The following MCCC2 variants were observed in gnomAD, a reference collection of about 807,000 sequenced individuals.
MCCC2 encodes methylcrotonyl-CoA carboxylase subunit 2, also known as methylcrotonoyl-CoA carboxylase beta chain, mitochondrial.
Under a neutral mutation model 77.2 loss-of-function variants are expected in MCCC2, and 52 were observed. The ratio of observed to expected loss-of-function variants is 0.67; its 90% CI spans 0.54 to 0.85. The LOEUF (loss-of-function observed/expected upper bound fraction) is 0.85. Among genes scored for constraint, MCCC2 ranks in the 40% least tolerant of loss-of-function variants. The pLI, the probability that MCCC2 is intolerant of heterozygous loss-of-function variation, is 0.00. For missense variants in MCCC2, 682 were observed against 703.2 expected, an observed-to-expected ratio of 0.97 and a Z score of 0.34; for synonymous variants, 253 against 248.4, an observed-to-expected ratio of 1.02 and a Z score of -0.18.
chr5:71,627,486 A>T (rs1580312178), intron 7 of MCCC2, among the ~76,000 whole-genome samples: 1 of 152,120 alleles, frequency 6.6e-6, no homozygotes, highest in Non-Finnish European at 1.5e-5. Flanking sequence ...TCATCAGTTG[A>T]TGGGCATTTA....
chr5:71,647,419 G>T (rs558593694), intron 13 of MCCC2, among the ~76,000 whole-genome samples: 1 of 152,228 alleles, frequency 6.6e-6, no homozygotes, highest in South Asian at 2.1e-4. Context: ...TATGTAAAAG[G>T]GCAGATAGAA....
rs11309257 is a variant in MCCC2 at position 71,588,268 on chromosome 5, CAA to C, written c.129+733_129+734del. On this transcript the variant is annotated intron_variant, in intron 1 of 16. Transcript: ENST00000340941. ...TTGGCAACAAGAGCGAACTCTGTCT[CAA>C]AAAAAAAAAAAAAAAAAAGTTGGTT... is the stretch of plus-strand genomic sequence containing the variant. 6.1e-3 allele frequency among the ~76,000 whole-genome samples: 609 copies of C among 100,642 alleles called. 3 individuals carry two copies. The highest frequency in any genetic ancestry group is 0.018 in the African/African-American group (490 of 26,926). The allele number at this position is 100,642 out of a possible 152,430, so 66.0% of individuals were successfully genotyped here.
chr5:71,599,581 T>C (rs1028456764), intron 3 of MCCC2, 78 bp from the exon 4 acceptor site: 1 of 1,152,756 alleles, frequency 8.7e-7, no homozygotes, highest in African/African-American at 1.5e-5. Context: ...GAAAAATCTT[T>C]TCCTTTTCCA....
At chr5:71,604,526 A>T in intron 6 of MCCC2, 58 bp downstream of exon 6, 7 of 1,264,310 alleles carry the variant, frequency 5.5e-6, no homozygotes, top group Non-Finnish European at 8.1e-6. Context: ...TATCTTTACG[A>T]ATTAGGTACT....
intron 6 of MCCC2, among the ~76,000 whole-genome samples, chr5:71,609,900 C>A (rs1336086667): frequency 1.3e-5 from 2 of 151,934 alleles, no homozygotes; most frequent in Non-Finnish European, 2.9e-5. Flanking sequence ...GGTCAGGGAC[C>A]CACTTGAGGA....
At chr5:71,606,880 A>G (rs1223099224) in intron 6 of MCCC2, among the ~76,000 whole-genome samples, 3 of 150,956 alleles carry the variant, frequency 2.0e-5, no homozygotes, top group African/African-American at 7.3e-5. Context: ...GATTACATTT[A>G]CTGATTTGCA....
At chr5:71,607,719 T>C (rs1405989253) in intron 6 of MCCC2, among the ~76,000 whole-genome samples, 1 of 150,218 alleles carries the variant, frequency 6.7e-6, no homozygotes, top group Non-Finnish European at 1.5e-5. Context: ...CATTTAGTGC[T>C]ATAAATTTCC....
At chr5:71,642,077 C>A (rs530073355) in intron 11 of MCCC2, among the ~76,000 whole-genome samples, 2 of 152,226 alleles carry the variant, frequency 1.3e-5, no homozygotes, top group African/African-American at 4.8e-5. Context: ...TCTTTGTCAT[C>A]TGCTTTTATG....
chr5:71,635,943 A>G (rs1417826453), intron 10 of MCCC2: 3 of 159,234 alleles, frequency 1.9e-5, no homozygotes, highest in Non-Finnish European at 4.1e-5. Flanking sequence ...AAAAAATTAA[A>G]TTGCATATAA....
chr5:71,588,866 A>G (rs1435490916), intron 1 of MCCC2, among the ~76,000 whole-genome samples: 1 of 152,102 alleles, frequency 6.6e-6, no homozygotes, highest in Non-Finnish European at 1.5e-5. Context: ...GATGGGATTG[A>G]TTGATTATGG....
intron 7 of MCCC2, among the ~76,000 whole-genome samples, chr5:71,629,259 A>C (rs1746634365): frequency 6.6e-6 from 1 of 152,140 alleles, no homozygotes; most frequent in Non-Finnish European, 1.5e-5. Context: ...TTTTACTTCT[A>C]TGAAATATTG....
At chr5:71,618,081 G>C (rs277954) in intron 6 of MCCC2, among the ~76,000 whole-genome samples, 60,395 of 151,994 alleles carry the variant, frequency 0.4, 12,551 homozygotes, top group South Asian at 0.47. Flanking sequence ...CATGTCATGA[G>C]AATGCCTTCT....
chr5:71,593,403 T>G (rs1745058794), intron 2 of MCCC2, among the ~76,000 whole-genome samples: 1 of 152,204 alleles, frequency 6.6e-6, no homozygotes. Flanking sequence ...CTTTTGACTC[T>G]TAAGACTATG....
At position 71,587,571 on chromosome 5, in the gene MCCC2, G is replaced by C. The variant is rs1486770783; in HGVS notation, c.129+17G>C. The C allele has an allele frequency of 3.3e-6, 5 of 1,531,438 alleles. No individual in the cohort carries two copies. In the African/African-American group the frequency reaches 4.1e-5, roughly 13 times the overall value. The allele number at this position is 1,531,438 out of a possible 1,614,324, so 94.9% of individuals were successfully genotyped here. A position where few individuals can be genotyped will look rare whatever the true frequency, so the allele number is the denominator to read the frequency against. ...CTCTACCAGGTAGGCTGAGCGCCCC[G>C]GTGGCCTGGCCGCCGGTGCCAGGCT... On this transcript the variant is annotated intron_variant, in intron 1 of 16. Coordinates refer to ENST00000340941, the MANE Select transcript of MCCC2 (RefSeq NM_022132.5).
At chr5:71,627,604 T>A (rs1271065512) in intron 7 of MCCC2, among the ~76,000 whole-genome samples, 1 of 152,252 alleles carries the variant, frequency 6.6e-6, no homozygotes, top group Non-Finnish European at 1.5e-5. Context: ...GTAGAATTGC[T>A]GGATCATGTG....
chr5:71,632,180 T>G lies in MCCC2; in HGVS notation c.798T>G (p.His266Gln), dbSNP rs932586663. ...SAEDLGGADL[H>Q]CRKSGVSDHW... ...AGGATCTTGGAGGTGCTGATCTTCA[T>G]TGCAGGTGAAACAGAAATGGTTGTT... The change falls in exon 8 of 17, where the codon CAT becomes CAG. Residue 266 changes from histidine (H) to glutamine (Q), a missense_variant. His to Gln is a conservative substitution (Grantham distance 24). Coordinates refer to ENST00000340941, the MANE Select transcript of MCCC2 (RefSeq NM_022132.5). 5.6e-6 allele frequency: 9 copies of G among 1,614,060 alleles called. No homozygotes were observed. The highest frequency in any genetic ancestry group is 6.8e-6 in the Non-Finnish European group (8 of 1,179,910).
chr5:71,612,390 G>A (rs149345458), intron 6 of MCCC2, among the ~76,000 whole-genome samples: 4,471 of 152,130 alleles, frequency 0.029, 96 homozygotes, highest in South Asian at 0.079. Context: ...ATATTTTACT[G>A]TTACACAGTG....
intron 6 of MCCC2, among the ~76,000 whole-genome samples, chr5:71,609,394 C>G (rs1176448196): frequency 6.6e-6 from 1 of 151,692 alleles, no homozygotes; most frequent in East Asian, 1.9e-4. Flanking sequence ...TCACGTAGTT[C>G]TCGAGCCTTG....
chr5:71,603,854 C>G lies in MCCC2; in HGVS notation c.512-502C>G, dbSNP rs138108290. Reference sequence around the variant, plus strand: ...ATCTTCATTTCGTGGGTAAGGAAACCGGGGCATAGGATGGCTAGGAAACAC... The same window carrying G: ...ATCTTCATTTCGTGGGTAAGGAAACGGGGGCATAGGATGGCTAGGAAACAC... On this transcript the variant is annotated intron_variant, in intron 5 of 16. Transcript: ENST00000340941. 2.7e-4 allele frequency among the ~76,000 whole-genome samples: 41 copies of G among 152,134 alleles called. No individual in the cohort carries two copies. In the East Asian group the frequency reaches 7.5e-3, roughly 28 times the overall value.
Sources: gnomAD v4.1 joint callset for allele counts (sites outside exome capture counted in the v4.1 genomes callset) on GRCh38, gnomAD v4.1.1 for gene constraint, MANE v1.5 for transcripts, NCBI Gene and HGNC (gene_info 2026-07-23, HGNC 2026-07-21) for gene names.